The following TENM3 variants were observed in gnomAD, a reference collection of about 807,000 sequenced individuals.
The protein encoded by TENM3 is teneurin-3.
TENM3 carries 63 observed loss-of-function variants against 255.1 expected under a neutral mutation model. The ratio of observed to expected loss-of-function variants is 0.25; its 90% CI spans 0.20 to 0.30. The LOEUF is 0.30. Ranked by LOEUF, TENM3 falls within the 10% of genes least tolerant of loss-of-function variation. TENM3 has a pLI of 1.00. For missense variants in TENM3, 2,929 were observed against 3,461.1 expected, an observed-to-expected ratio of 0.85 and a Z score of 3.86; for synonymous variants, 1,306 against 1,322.3, an observed-to-expected ratio of 0.99 and a Z score of 0.27.
At chr4:182,570,823 C>T (rs955480703) in intron 3 of TENM3, among the ~76,000 whole-genome samples, 2 of 133,044 alleles carry the variant, frequency 1.5e-5, no homozygotes, top group Non-Finnish European at 3.4e-5. Context: ...GTGCGAGACT[C>T]TGTGTCAAAA....
the TENM3 span, among the ~76,000 whole-genome samples, chr4:181,635,468 G>T: frequency 6.6e-6 from 1 of 152,188 alleles, no homozygotes; most frequent in Non-Finnish European, 1.5e-5. Context: ...AAAGGGATTC[G>T]CTGCAGTTCA....
chr4:181,896,997 G>A, the TENM3 span, among the ~76,000 whole-genome samples: 1 of 152,144 alleles, frequency 6.6e-6, no homozygotes, highest in Non-Finnish European at 1.5e-5. Context: ...TACCCACCTT[G>A]TGCAGCCTTT....
intron 1 of TENM3, among the ~76,000 whole-genome samples, chr4:182,188,668 A>T (rs1442205229): frequency 6.6e-6 from 1 of 152,228 alleles, no homozygotes; most frequent in Non-Finnish European, 1.5e-5. Context: ...AAAGTGAAAG[A>T]TCATGATTTG....
At position 182,774,965 on chromosome 4, in the gene TENM3, ATTATCTACGCCAGTG is replaced by A; in HGVS notation, c.5117_5131del (p.Ile1706_Gly1711delinsSer). 1 of 1,613,908 alleles carries A rather than the reference ATTATCTACGCCAGTG, an allele frequency of 6.2e-7. No homozygotes were observed. The highest frequency in any genetic ancestry group is 8.5e-7 in the Non-Finnish European group (1 of 1,179,856). The stretch of plus-strand genomic sequence containing the variant: ...GATTGGTTATGACGGCTCCCTCAGA[ATTATCTACGCCAGTG>A]GCCTGGACTCACACTACCAAACAGA... On this transcript the variant is annotated inframe_deletion, in exon 24 of 28. Transcript: ENST00000511685.
chr4:182,107,177 C>T, the TENM3 span, among the ~76,000 whole-genome samples: 1 of 149,324 alleles, frequency 6.7e-6, no homozygotes, highest in Non-Finnish European at 1.5e-5. Flanking sequence ...CACACACACA[C>T]ACACACACAC....
the TENM3 span, among the ~76,000 whole-genome samples, chr4:181,952,451 G>C: frequency 6.6e-6 from 1 of 152,206 alleles, no homozygotes; most frequent in African/African-American, 2.4e-5. Context: ...AAAATTCAGA[G>C]CAGCAGCAAT....
the TENM3 span, among the ~76,000 whole-genome samples, chr4:181,739,825 C>T: frequency 1.3e-5 from 2 of 152,148 alleles, no homozygotes; most frequent in African/African-American, 4.8e-5. Context: ...GCATTTTTAA[C>T]ATAGCCATTG....
chr4:182,547,989 G>T (rs753586545), intron 3 of TENM3, among the ~76,000 whole-genome samples: 2 of 152,044 alleles, frequency 1.3e-5, no homozygotes, highest in Non-Finnish European at 2.9e-5. Flanking sequence ...AGGTCAAGGT[G>T]GGAGGATCAG....
chr4:182,252,541 A>G (rs1758086251), intron 1 of TENM3, among the ~76,000 whole-genome samples: 1 of 152,124 alleles, frequency 6.6e-6, no homozygotes, highest in African/African-American at 2.4e-5. Flanking sequence ...TTTAAATAAG[A>G]TTTTTTCCAC....
chr4:181,452,997 T>C, the TENM3 span, among the ~76,000 whole-genome samples: 5 of 152,164 alleles, frequency 3.3e-5, no homozygotes, highest in East Asian at 3.9e-4. Flanking sequence ...ATATACAGTG[T>C]GATTGCCCAG....
At chr4:182,771,007 A>C (rs955222977) in intron 22 of TENM3, among the ~76,000 whole-genome samples, 4 of 152,138 alleles carry the variant, frequency 2.6e-5, no homozygotes, top group African/African-American at 4.8e-5. Context: ...TGTCATTCTA[A>C]CTGTACTACC....
chr4:182,269,009 T>C (rs1395048207), intron 1 of TENM3, among the ~76,000 whole-genome samples: 2 of 152,174 alleles, frequency 1.3e-5, no homozygotes, highest in Admixed American at 6.5e-5. Flanking sequence ...TGGGGACCCC[T>C]TTCCTGTAAC....
chr4:182,001,630 G>GA, the TENM3 span, among the ~76,000 whole-genome samples: 6 of 151,950 alleles, frequency 3.9e-5, no homozygotes, highest in East Asian at 9.7e-4. Flanking sequence ...TAGTTGTTCT[G>GA]AAAAAAAATA....
Position 182,755,199 on chromosome 4 carries a change from A to T in TENM3, c.4832A>T (p.His1611Leu). The T allele has an allele frequency of 6.2e-7, 1 of 1,612,448 alleles. No individual in the cohort carries two copies. The highest frequency in any genetic ancestry group is 8.5e-7 in the Non-Finnish European group (1 of 1,179,860). Residue 1611 changes from histidine (H) to leucine (L), a missense_variant, in exon 22 of 28, where the codon CAT becomes CTT. This residue lies in a region of TENM3 where 1,608 missense variants were observed against 1,884.4 expected (regional missense o/e 0.85). Transcript: ENST00000511685. ...QGLELVLFTYHGNSGLLATKS... is the reference protein window; with the variant it reads ...QGLELVLFTYLGNSGLLATKS... ...CTGGAATTAGTTTTGTTTACTTACC[A>T]TGGCAATAGTGGCCTTTTAGCCACT...
chr4:181,626,877 G>T, the TENM3 span, among the ~76,000 whole-genome samples: 1 of 152,224 alleles, frequency 6.6e-6, no homozygotes, highest in Non-Finnish European at 1.5e-5. Flanking sequence ...GTGAAAAATA[G>T]ATAATTGGAC....
chr4:181,693,644 G>A, the TENM3 span, among the ~76,000 whole-genome samples: 6 of 152,276 alleles, frequency 3.9e-5, no homozygotes, highest in African/African-American at 1.4e-4. Context: ...GGATCCTTGA[G>A]TAGAGTTCTG....
chr4:181,599,981 C>T, the TENM3 span, among the ~76,000 whole-genome samples: 3 of 152,156 alleles, frequency 2.0e-5, no homozygotes, highest in Non-Finnish European at 4.4e-5. Context: ...TCCTCTGAAT[C>T]GTGACTGTAT....
chr4:181,613,353 G>A, the TENM3 span, among the ~76,000 whole-genome samples: 1 of 152,162 alleles, frequency 6.6e-6, no homozygotes, highest in Non-Finnish European at 1.5e-5. Context: ...GCTGGTGGGA[G>A]CAGAGCCCAG....
chr4:182,514,839 A>G (rs549134510), intron 3 of TENM3, among the ~76,000 whole-genome samples: 7 of 152,290 alleles, frequency 4.6e-5, no homozygotes, highest in African/African-American at 1.7e-4. Flanking sequence ...GCTGAGATGC[A>G]GATCAAGAAA....
Sources: allele counts gnomAD v4.1 joint callset (sites outside exome capture counted in the v4.1 genomes callset), GRCh38; gene constraint gnomAD v4.1.1; regional missense constraint gnomAD v4.1.1; transcripts MANE v1.5; gene names NCBI Gene and HGNC (gene_info 2026-07-23, HGNC 2026-07-21).